CACNA2D3: variants seen among roughly 807,000 people sequenced by gnomAD.
CACNA2D3 encodes the protein calcium voltage-gated channel auxiliary subunit alpha2delta 3, also known as voltage-dependent calcium channel subunit alpha-2/delta-3.
In CACNA2D3, 60 loss-of-function variants were observed where a neutral mutation model predicts 160.6. The ratio of observed to expected loss-of-function variants is 0.37; its 90% CI spans 0.30 to 0.46. CACNA2D3 has a LOEUF of 0.46. Among genes scored for constraint, CACNA2D3 ranks in the 20% least tolerant of loss-of-function variants. The pLI is 1.00. For synonymous variants in CACNA2D3, 558 were observed against 492.9 expected (o/e 1.13, Z -1.75); for missense variants, 1,205 against 1,365.0 (o/e 0.88, Z 1.85).
At chr3:54,782,298 A>T (rs1022683029) in intron 13 of CACNA2D3, among the ~76,000 whole-genome samples, 1 of 152,220 alleles carries the variant, frequency 6.6e-6, no homozygotes, top group South Asian at 2.1e-4. Flanking sequence ...ACAATGCTGT[A>T]TTATATACTG....
chr3:54,259,700 A>G lies in CACNA2D3; in HGVS notation c.205-60742A>G, dbSNP rs537546367. ...CCCCTTAAGTAACTTTTATGATGAC[A>G]GCATTGTAAATATATATCATAAATA... On this transcript the variant is annotated intron_variant, in intron 2 of 37. Coordinates refer to ENST00000474759, the MANE Select transcript of CACNA2D3 (RefSeq NM_018398.3). 3.9e-5 allele frequency among the ~76,000 whole-genome samples: 6 copies of G among 152,338 alleles called. No individual in the cohort carries two copies. In the East Asian group the frequency reaches 9.6e-4, roughly 24 times the overall value.
intron 2 of CACNA2D3, among the ~76,000 whole-genome samples, chr3:54,287,806 C>T (rs1353476656): frequency 2.0e-5 from 3 of 149,534 alleles, no homozygotes; most frequent in Non-Finnish European, 4.5e-5. Flanking sequence ...GGAAACTGAA[C>T]AACCTGCTCC....
At chr3:55,041,872 A>C (rs1483297128) in intron 35 of CACNA2D3, among the ~76,000 whole-genome samples, 1 of 152,002 alleles carries the variant, frequency 6.6e-6, no homozygotes, top group African/African-American at 2.4e-5. Flanking sequence ...TTGTAGTTTA[A>C]ATATTTTCTA....
chr3:55,021,546 G>A (rs1703445542), intron 35 of CACNA2D3, among the ~76,000 whole-genome samples: 1 of 148,372 alleles, frequency 6.7e-6, no homozygotes, highest in African/African-American at 2.5e-5. Context: ...ATAGATATAA[G>A]CATATATATG....
intron 2 of CACNA2D3, among the ~76,000 whole-genome samples, chr3:54,228,591 A>G (rs1353700158): frequency 6.6e-6 from 1 of 152,216 alleles, no homozygotes; most frequent in African/African-American, 2.4e-5. Flanking sequence ...TATTTCACAC[A>G]TGAAATTCAG....
chr3:54,240,681 T>C (rs1307808530), intron 2 of CACNA2D3, among the ~76,000 whole-genome samples: 1 of 152,168 alleles, frequency 6.6e-6, no homozygotes, highest in Non-Finnish European at 1.5e-5. Context: ...ATCTGCTGGT[T>C]TTGTAAGGAG....
intron 4 of CACNA2D3, among the ~76,000 whole-genome samples, chr3:54,408,662 A>C (rs559256178): frequency 6.6e-6 from 1 of 152,282 alleles, no homozygotes; most frequent in East Asian, 1.9e-4. Context: ...TGTTTTGTAG[A>C]ATGGAGACTA....
chr3:54,717,601 C>T (rs1701076172), intron 11 of CACNA2D3, among the ~76,000 whole-genome samples: 2 of 115,852 alleles, frequency 1.7e-5, no homozygotes, highest in African/African-American at 6.9e-5. Flanking sequence ...TGCATACATT[C>T]GTGTGTGTGG....
intron 2 of CACNA2D3, among the ~76,000 whole-genome samples, chr3:54,240,819 G>C (rs953844931): frequency 6.6e-6 from 1 of 152,134 alleles, no homozygotes; most frequent in Admixed American, 6.6e-5. Flanking sequence ...TCGGCTCACT[G>C]CGTCTTCTGC....
chr3:55,064,716 G>A (rs551617710), intron 35 of CACNA2D3, among the ~76,000 whole-genome samples: 1 of 152,244 alleles, frequency 6.6e-6, no homozygotes, highest in South Asian at 2.1e-4. Context: ...CCATAAAGCT[G>A]GCCCTGCAGG....
chr3:54,265,733 C>T (rs1202923840), intron 2 of CACNA2D3, among the ~76,000 whole-genome samples: 19 of 149,374 alleles, frequency 1.3e-4, no homozygotes. Flanking sequence ...CACACAGATG[C>T]ATTGTTCTTT....
At chr3:54,212,969 T>G (rs1442689893) in intron 2 of CACNA2D3, among the ~76,000 whole-genome samples, 1 of 152,182 alleles carries the variant, frequency 6.6e-6, no homozygotes, top group Non-Finnish European at 1.5e-5. Flanking sequence ...CTTCTCTATA[T>G]GTGAGCTCAT....
At chr3:54,271,064 A>C (rs1410623460) in intron 2 of CACNA2D3, among the ~76,000 whole-genome samples, 1 of 152,176 alleles carries the variant, frequency 6.6e-6, no homozygotes, top group African/African-American at 2.4e-5. Flanking sequence ...AATTATTTCT[A>C]AGTGACAGCT....
At chr3:54,790,647 A>G (rs765850305) in intron 13 of CACNA2D3, among the ~76,000 whole-genome samples, 3 of 152,136 alleles carry the variant, frequency 2.0e-5, no homozygotes, top group Non-Finnish European at 2.9e-5. Flanking sequence ...CAGAACTTCA[A>G]CAGCTAGAAT....
intron 2 of CACNA2D3, among the ~76,000 whole-genome samples, chr3:54,257,979 C>T (rs1357981892): frequency 6.6e-6 from 1 of 152,050 alleles, no homozygotes; most frequent in African/African-American, 2.4e-5. Context: ...ATCAAGATCC[C>T]GATAGAACTT....
At chr3:54,334,654 C>T (rs903333397) in intron 3 of CACNA2D3, among the ~76,000 whole-genome samples, 1 of 152,192 alleles carries the variant, frequency 6.6e-6, no homozygotes, top group Non-Finnish European at 1.5e-5. Context: ...AGACTAGCCC[C>T]AAGCCCAGGT....
intron 17 of CACNA2D3, among the ~76,000 whole-genome samples, chr3:54,850,862 C>T (rs1699043475): frequency 6.6e-6 from 1 of 152,188 alleles, no homozygotes; most frequent in South Asian, 2.1e-4. Flanking sequence ...GAAAATCTGC[C>T]AGTCACATGG....
chr3:54,809,839 C>T (rs544832509), intron 13 of CACNA2D3, among the ~76,000 whole-genome samples: 86 of 152,082 alleles, frequency 5.7e-4, no homozygotes, highest in Non-Finnish European at 1.0e-3. Flanking sequence ...TTACCAAGGG[C>T]CAGGCATAGG....
intron 2 of CACNA2D3, among the ~76,000 whole-genome samples, chr3:54,289,430 A>G (rs954228344): frequency 5.9e-5 from 9 of 152,196 alleles, no homozygotes; most frequent in African/African-American, 1.4e-4. Flanking sequence ...ATGGAAGAAC[A>G]TTCCATGCTC....
Sources: allele counts gnomAD v4.1 joint callset (sites outside exome capture counted in the v4.1 genomes callset), GRCh38; gene constraint gnomAD v4.1.1; transcripts MANE v1.5; gene names NCBI Gene and HGNC (gene_info 2026-07-23, HGNC 2026-07-21).